ALG1: variants seen among roughly 807,000 people sequenced by gnomAD.
The protein encoded by ALG1 is ALG1 chitobiosyldiphosphodolichol beta-mannosyltransferase.
In ALG1, 58 loss-of-function variants were observed where a neutral mutation model predicts 55.1. The observed-to-expected ratio is 1.05, with a 90% CI of 0.85 to 1.31. ALG1 has a LOEUF of 1.31. Ranked by LOEUF, ALG1 falls within the 50% of genes most tolerant of loss-of-function variation. The pLI is 0.00. For missense variants in ALG1, 761 were observed against 598.6 expected, an observed-to-expected ratio of 1.27 and a Z score of -2.83; for synonymous variants, 309 against 247.0, an observed-to-expected ratio of 1.25 and a Z score of -2.35.
chr16:5,079,506 A>G (rs1419395320), intron 8 of ALG1, among the ~76,000 whole-genome samples: 1 of 152,194 alleles, frequency 6.6e-6, no homozygotes, highest in Non-Finnish European at 1.5e-5. Flanking sequence ...CCTGGCCAAC[A>G]GGGCGAAACC....
intron 6 of ALG1, 115 bp from the exon 7 acceptor site, chr16:5,078,642 T>G: frequency 6.3e-7 from 1 of 1,588,976 alleles, no homozygotes; most frequent in South Asian, 1.1e-5. Flanking sequence ...GCTGCTGATG[T>G]GGCTGGGCAC....
At chr16:5,078,330 T>G (rs1284006484) in intron 6 of ALG1, 4 of 609,404 alleles carry the variant, frequency 6.6e-6, no homozygotes, top group Non-Finnish European at 6.1e-6. Context: ...TGTCTTACTC[T>G]CCTGCCAGTG....
intron 4 of ALG1, among the ~76,000 whole-genome samples, chr16:5,076,063 G>A (rs1956907241): frequency 6.6e-6 from 1 of 152,212 alleles, no homozygotes; most frequent in Non-Finnish European, 1.5e-5. Context: ...CTGGAGAAGT[G>A]GGCCACAGTT....
At chr16:5,078,502 G>GAAAA in intron 6 of ALG1, 1 of 721,944 alleles carries the variant, frequency 1.4e-6, no homozygotes. Flanking sequence ...CTTGAGTCCA[G>GAAAA]GGGATGATAA....
chr16:5,077,673 G>T lies in ALG1; in HGVS notation c.629+139G>T. The stretch of plus-strand genomic sequence containing the variant: ...GGGCCTGGGAGGTGGTCTTTGGTTT[G>T]GGGAAGCTGGGGGAGGAGGGGGCAG... On this transcript the variant is annotated intron_variant, in intron 5 of 12. Coordinates refer to ENST00000262374, the MANE Select transcript of ALG1 (RefSeq NM_019109.5). 2.9e-6 allele frequency: 3 copies of T among 1,051,122 alleles called. No individual in the cohort carries two copies. The Admixed American group carries it at 5.8e-5, about 20-fold the overall frequency. The allele number at this position is 1,051,122 out of a possible 1,614,324, so 65.1% of individuals were successfully genotyped here.
In ALG1 at chr16:5,085,695, A is replaced by C. The variant is rs1301894696; in HGVS notation, c.*814A>C. 6.2e-7 allele frequency: 1 copy of C among 1,611,798 alleles called. No individual in the cohort carries two copies. The highest frequency in any genetic ancestry group is 1.1e-5 in the South Asian group (1 of 90,998). On this transcript the variant is annotated 3_prime_UTR_variant, in exon 13 of 13. Coordinates refer to ENST00000262374, the MANE Select transcript of ALG1 (RefSeq NM_019109.5). ...CTTCGTAGGGAAACAGTTTCTGCTC[A>C]TGACGAGGTTCCACTTCCCATCTGA...
intron 4 of ALG1, 150 bp from the exon 5 acceptor site, chr16:5,077,295 A>G (rs1260965695): frequency 2.7e-6 from 2 of 731,580 alleles, no homozygotes; most frequent in Non-Finnish European, 4.9e-6. Flanking sequence ...TATATACAGC[A>G]TAAAGAAAGA....
chr16:5,078,201 C>G (rs1266097420), intron 6 of ALG1, 184 bp downstream of exon 6: 1 of 769,634 alleles, frequency 1.3e-6, no homozygotes, highest in Non-Finnish European at 2.2e-6. Flanking sequence ...TCTGAGTTGT[C>G]TACAGCCGCC....
At chr16:5,080,848 G>C in intron 9 of ALG1, 98 bp from the exon 10 acceptor site, 1 of 1,499,980 alleles carries the variant, frequency 6.7e-7, no homozygotes, top group Admixed American at 1.7e-5. Flanking sequence ...TGGAGCTTCT[G>C]GGAAAGGGAT....
chr16:5,082,304 C>T (rs1011561408), intron 10 of ALG1, among the ~76,000 whole-genome samples: 1 of 151,672 alleles, frequency 6.6e-6, no homozygotes, highest in Admixed American at 6.6e-5. Context: ...CAGAATGAGA[C>T]TCTGTCTCAA....
At chr16:5,079,021 G>C (rs766941955) in intron 7 of ALG1, 43 bp from the exon 8 acceptor site, 1 of 1,604,742 alleles carries the variant, frequency 6.2e-7, no homozygotes, top group Non-Finnish European at 8.5e-7. Context: ...TGGAAGAGGG[G>C]TGTCTAGAAA....
intron 4 of ALG1, among the ~76,000 whole-genome samples, chr16:5,075,804 G>T (rs185001584): frequency 1.3e-5 from 2 of 152,312 alleles, no homozygotes; most frequent in East Asian, 3.9e-4. Context: ...GCTCACGTCT[G>T]TCTCCACACT....
rs370476879 is a variant in ALG1, at chr16:5,073,259, G to A, written c.390+3G>A. 8.1e-6 allele frequency: 13 copies of A among 1,613,424 alleles called. No individual in the cohort carries two copies. Among genetic ancestry groups the A allele is most frequent in the African/African-American group, 5.3e-5 (4 of 74,902 alleles). ...CAGGTGCCTATATCTTTCTCCAGGT[G>A]TGTATCAGCCTCTGCCTCCCTCTGT... On this transcript the variant is annotated splice_donor_region_variant and intron_variant, in intron 3 of 12. Coordinates refer to ENST00000262374, the MANE Select transcript of ALG1 (RefSeq NM_019109.5).
At chr16:5,081,230 C>T (rs545758622) in intron 10 of ALG1, among the ~76,000 whole-genome samples, 174 bp downstream of exon 10, 44 of 152,314 alleles carry the variant, frequency 2.9e-4, no homozygotes, top group African/African-American at 1.1e-3. Flanking sequence ...CAGGTGGCCC[C>T]AGGGGCCGTT....
Position 5,075,456 on chromosome 16 carries a change from C to T in ALG1, c.459C>T (p.Val153=). 6.2e-7 allele frequency: 1 copy of T among 1,614,172 alleles called. No homozygotes were observed. Residue 153 remains valine, a synonymous_variant, in exon 4 of 13, where the codon GTC becomes GTT. Transcript: ENST00000262374. ...GCTGCCTTTGTGGAAGCAAGCTCGT[C>T]ATTGACTGGCACAACTATGGCTACT... ...FVGCLCGSKL[V]IDWHNYGYSI...
At position 5,087,237 on chromosome 16, in the gene ALG1, A is replaced by G. The variant is rs2142747494; in HGVS notation, c.*2356A>G. 6.6e-6 allele frequency: 1 copy of G among 152,332 alleles called. No individual in the cohort carries two copies. Among genetic ancestry groups the G allele is most frequent in the Middle Eastern group, 3.4e-3 (1 of 294 alleles). 9.4% of individuals were successfully genotyped at this position (152,332 alleles called of 1,614,324 possible). On this transcript the variant is annotated 3_prime_UTR_variant, in exon 13 of 13. Transcript: ENST00000262374. ...GCTAAAAGAAAAAAAATCACAAAAAAACCTCGTACTGTTTGAAGAAAGTTT... is the reference window on the plus strand; with the variant it reads ...GCTAAAAGAAAAAAAATCACAAAAAGACCTCGTACTGTTTGAAGAAAGTTT...
intron 2 of ALG1, 34 bp downstream of exon 2, chr16:5,073,062 C>T: frequency 6.2e-7 from 1 of 1,612,350 alleles, no homozygotes; most frequent in Non-Finnish European, 8.5e-7. Context: ...TCCTCTGAAT[C>T]CATGGGCTGG....
chr16:5,077,621 C>A, intron 5 of ALG1, 87 bp downstream of exon 5: 2 of 1,373,478 alleles, frequency 1.5e-6, no homozygotes, highest in Non-Finnish European at 2.1e-6. Context: ...TGCTGCCGTC[C>A]TGCTGAGGGG....
rs1047502 is a variant in ALG1, at chr16:5,085,585, T to C, written c.*704T>C. The C allele has an allele frequency of 5.2e-4, 686 of 1,321,962 alleles. No individual in the cohort carries two copies. The highest frequency in any genetic ancestry group is 6.9e-4 in the Non-Finnish European group (634 of 915,890). The allele number at this position is 1,321,962 out of a possible 1,614,324, so 81.9% of individuals were successfully genotyped here. A position where few individuals can be genotyped will look rare whatever the true frequency, so the allele number is the denominator to read the frequency against. ...CTTTCCCATATAAAAATTCTTCCCA[T>C]GAGAGTGACTTGATTCTCACAATCC... On this transcript the variant is annotated 3_prime_UTR_variant, in exon 13 of 13. Coordinates refer to ENST00000262374, the MANE Select transcript of ALG1 (RefSeq NM_019109.5).
Sources: allele counts gnomAD v4.1 joint callset (sites outside exome capture counted in the v4.1 genomes callset), GRCh38; gene constraint gnomAD v4.1.1; transcripts MANE v1.5; gene names NCBI Gene and HGNC (gene_info 2026-07-23, HGNC 2026-07-21).